Variants in NTM observed in about 807,000 individuals in gnomAD.
NTM encodes neurotrimin, also known as IgLON family member 2.
In NTM, 13 loss-of-function variants were observed where a neutral mutation model predicts 42.1. The observed-to-expected ratio is 0.31, with a 90% confidence interval of 0.20 to 0.49. The LOEUF (loss-of-function observed/expected upper bound fraction) is 0.49, where lower values mean the gene tolerates loss of function less well. Ranked by LOEUF, NTM falls within the 20% of genes least tolerant of loss-of-function variation. The pLI is 0.99. For synonymous variants in NTM, 187 were observed against 179.2 expected, an observed-to-expected ratio of 1.04 and a Z score of -0.35; for missense variants, 373 against 452.8, an observed-to-expected ratio of 0.82 and a Z score of 1.60.
intron 1 of NTM, among the ~76,000 whole-genome samples, chr11:131,379,579 C>T (rs35595674): frequency 0.018 from 2,752 of 152,208 alleles, 29 homozygotes; most frequent in Middle Eastern, 0.034. Context: ...TAGGACTTAC[C>T]TTGTAAGGTT....
chr11:131,853,188 A>G (rs1174895149), intron 1 of NTM, among the ~76,000 whole-genome samples: 1 of 151,994 alleles, frequency 6.6e-6, no homozygotes, highest in Non-Finnish European at 1.5e-5. Flanking sequence ...TTTAATGAGA[A>G]TATGTTCTAC....
chr11:132,080,451 G>A (rs756533818), intron 2 of NTM, among the ~76,000 whole-genome samples: 3 of 152,150 alleles, frequency 2.0e-5, no homozygotes, highest in South Asian at 2.1e-4. Context: ...CAGCAGCCAC[G>A]GGTAGACAGC....
chr11:132,081,929 C>T (rs2059116167), intron 2 of NTM, among the ~76,000 whole-genome samples: 1 of 135,256 alleles, frequency 7.4e-6, no homozygotes, highest in South Asian at 2.2e-4. Context: ...CACACACACA[C>T]ATATTCATAT....
rs1273320696 is a variant in NTM, at chr11:131,533,331, G to C, written c.82+162443G>C. Among the ~76,000 whole-genome samples, 4 of 152,296 alleles carry C rather than the reference G, an allele frequency of 2.6e-5. No homozygotes were observed. In the East Asian group the frequency reaches 7.7e-4, roughly 29 times the overall value. On this transcript the variant is annotated intron_variant, in intron 1 of 8. Coordinates refer to ENST00000683400, the MANE Select transcript of NTM (RefSeq NM_001352005.2). ...CCCACATGTTCCTAGTAAGCGTCGA[G>C]CGTGATTTACACCCTGACATTTAAG...
intron 2 of NTM, among the ~76,000 whole-genome samples, chr11:131,993,663 A>T (rs1465138445): frequency 6.6e-6 from 1 of 152,170 alleles, no homozygotes; most frequent in Non-Finnish European, 1.5e-5. Flanking sequence ...TTTCAGAGAC[A>T]TACAAAAATT....
At chr11:132,084,994 G>A (rs2059528859) in intron 2 of NTM, among the ~76,000 whole-genome samples, 1 of 152,172 alleles carries the variant, frequency 6.6e-6, no homozygotes, top group Admixed American at 6.5e-5. Flanking sequence ...GTGGATTAGT[G>A]CCTTAAGAAA....
intron 4 of NTM, among the ~76,000 whole-genome samples, chr11:132,236,912 C>T (rs1232305308): frequency 6.6e-6 from 1 of 152,170 alleles, no homozygotes; most frequent in Non-Finnish European, 1.5e-5. Context: ...TTCCTGGGGA[C>T]ACCACATGGC....
chr11:131,391,163 G>GTAGA (rs1476318270), intron 1 of NTM, among the ~76,000 whole-genome samples: 1 of 152,200 alleles, frequency 6.6e-6, no homozygotes, highest in Non-Finnish European at 1.5e-5. Context: ...GGTAGGGGTT[G>GTAGA]TAGATAGCAT....
intron 1 of NTM, among the ~76,000 whole-genome samples, chr11:131,443,609 T>A (rs1392994222): frequency 1.3e-5 from 2 of 152,184 alleles, no homozygotes; most frequent in Non-Finnish European, 2.9e-5. Flanking sequence ...CATTGACTGA[T>A]CTCCATGCCC....
intron 1 of NTM, among the ~76,000 whole-genome samples, chr11:131,514,364 A>G (rs920106282): frequency 2.0e-5 from 3 of 152,200 alleles, no homozygotes; most frequent in Non-Finnish European, 4.4e-5. Context: ...ATGGCCGTCA[A>G]GTGACATTAG....
rs140466948 is a variant in NTM at position 131,745,522 on chromosome 11, G to A, written c.83-166042G>A. On this transcript the variant is annotated intron_variant, in intron 1 of 8. Coordinates refer to ENST00000683400, the MANE Select transcript of NTM (RefSeq NM_001352005.2). ...GTACAGCTTTCGGCCCCATCATTCC[G>A]CCCTCATCTTCCTTGGTTTCCGAAT... Among the ~76,000 whole-genome samples the A allele has an allele frequency of 7.9e-3, 1,195 of 152,214 alleles. 11 individuals are homozygous for A. Among genetic ancestry groups the A allele is most frequent in the African/African-American group, 0.027 (1,128 of 41,534 alleles).
intron 4 of NTM, among the ~76,000 whole-genome samples, chr11:132,244,502 T>G (rs2090746580): frequency 6.6e-6 from 1 of 152,226 alleles, no homozygotes; most frequent in African/African-American, 2.4e-5. Context: ...CAGGTGATTC[T>G]TGGGTGGTGA....
chr11:131,408,120 A>G (rs1946004522), intron 1 of NTM, among the ~76,000 whole-genome samples: 1 of 152,214 alleles, frequency 6.6e-6, no homozygotes, highest in African/African-American at 2.4e-5. Context: ...CCCCTAAACT[A>G]AAAGCCAGTT....
intron 1 of NTM, among the ~76,000 whole-genome samples, chr11:131,851,283 G>T (rs1322519148): frequency 6.6e-6 from 1 of 152,120 alleles, no homozygotes; most frequent in Non-Finnish European, 1.5e-5. Flanking sequence ...TGAATACTGG[G>T]CAAGGAAGGA....
At chr11:132,195,622 G>A (rs530850357) in intron 3 of NTM, among the ~76,000 whole-genome samples, 1 of 152,112 alleles carries the variant, frequency 6.6e-6, no homozygotes, top group South Asian at 2.1e-4. Flanking sequence ...TAGACCAACA[G>A]AACAGGATAG....
intron 1 of NTM, among the ~76,000 whole-genome samples, chr11:131,424,742 T>TG (rs1412043443): frequency 6.9e-6 from 1 of 144,502 alleles, no homozygotes; most frequent in Non-Finnish European, 1.5e-5. Context: ...TTTTTTTTTT[T>TG]GTATTTTTAG....
chr11:131,742,779 C>T (rs1320730410), intron 1 of NTM, among the ~76,000 whole-genome samples: 2 of 152,088 alleles, frequency 1.3e-5, no homozygotes, highest in African/African-American at 2.4e-5. Context: ...AAGCATAATG[C>T]ATTTAAGAAG....
rs538856322 is a variant in NTM, at chr11:131,935,230, G to T, written c.167+23582G>T. ...GTTTTGTTGTATTAGTGTTATTGGG[G>T]TATTTACATAATGAACTATTTACAG... On this transcript the variant is annotated intron_variant, in intron 2 of 8. Transcript: ENST00000683400. Among the ~76,000 whole-genome samples, 3 of 152,264 alleles carry T rather than the reference G, an allele frequency of 2.0e-5. No homozygotes were observed. In the East Asian group the frequency reaches 5.8e-4, roughly 29 times the overall value.
chr11:131,984,874 A>G (rs2065824036), intron 2 of NTM, among the ~76,000 whole-genome samples: 1 of 152,188 alleles, frequency 6.6e-6, no homozygotes, highest in Non-Finnish European at 1.5e-5. Flanking sequence ...ACATTGGGAT[A>G]CTCTGAAAGA....
Sources: gnomAD v4.1 joint callset for allele counts (sites outside exome capture counted in the v4.1 genomes callset) on GRCh38, gnomAD v4.1.1 for gene constraint, MANE v1.5 for transcripts, NCBI Gene and HGNC (gene_info 2026-07-23, HGNC 2026-07-21) for gene names.